The following CAMK1 variants were observed in gnomAD, a reference collection of about 807,000 sequenced individuals.
CAMK1 encodes calcium/calmodulin dependent protein kinase I.
CAMK1 carries 39 observed loss-of-function variants against 49.1 expected under a neutral mutation model. The observed-to-expected ratio is 0.79, with a 90% CI of 0.62 to 1.04. CAMK1 has a LOEUF of 1.04. Among genes scored for constraint, CAMK1 ranks in the 50% least tolerant of loss-of-function variants. The pLI, the probability that CAMK1 is intolerant of heterozygous loss-of-function variation, is 0.00. For synonymous variants in CAMK1, 192 were observed against 185.2 expected (o/e 1.04, Z -0.30); for missense variants, 457 against 472.2 (o/e 0.97, Z 0.30).
chr3:9,767,894 A>G (rs2078199134), intron 1 of CAMK1, 113 bp from the exon 2 acceptor site: 1 of 1,351,744 alleles, frequency 7.4e-7, no homozygotes, highest in South Asian at 1.6e-5. Context: ...TGATTCATCC[A>G]TTTGACAAAA....
At chr3:9,758,671 C>G (rs1354497426) in intron 10 of CAMK1, 3 of 159,380 alleles carry the variant, frequency 1.9e-5, no homozygotes, top group African/African-American at 7.2e-5. Context: ...ACTTTGTTGC[C>G]CAGGCTGGAG....
intron 10 of CAMK1, chr3:9,758,078 T>A: frequency 1.9e-6 from 1 of 534,588 alleles, no homozygotes; most frequent in Non-Finnish European, 3.1e-6. Flanking sequence ...AATAGAAACA[T>A]AACTATAATT....
At chr3:9,761,386 A>G (rs879054766) in intron 7 of CAMK1, 75 bp downstream of exon 7, 1 of 1,458,880 alleles carries the variant, frequency 6.9e-7, no homozygotes, top group Non-Finnish European at 9.3e-7. Flanking sequence ...GAGGGAGAGC[A>G]GAGGAAGGAA....
intron 8 of CAMK1, 74 bp downstream of exon 8, chr3:9,760,582 G>A (rs918830322): frequency 1.3e-6 from 2 of 1,501,008 alleles, no homozygotes; most frequent in Admixed American, 1.7e-5. Flanking sequence ...AAGGCAGGAG[G>A]GAGACCGCCC....
In CAMK1 at chr3:9,761,457, T is replaced by C; in HGVS notation, c.632+4A>G. 3 of 1,608,506 alleles carry C rather than the reference T, an allele frequency of 1.9e-6. No individual in the cohort carries two copies. The highest frequency in any genetic ancestry group is 2.5e-6 in the Non-Finnish European group (3 of 1,176,758). On this transcript the variant is annotated splice_donor_region_variant and intron_variant, in intron 7 of 11. Transcript: ENST00000256460. Reference sequence around the variant, plus strand: ...ACAGCCTACCATGGCCAAGCCCCACTTACAAGATGTAGGCGATGACACCTA... The same window carrying C: ...ACAGCCTACCATGGCCAAGCCCCACCTACAAGATGTAGGCGATGACACCTA...
In CAMK1 at chr3:9,760,787, A is replaced by G. The variant is rs1484234040; in HGVS notation, c.633-19T>C. 6.2e-7 allele frequency: 1 copy of G among 1,611,588 alleles called. No homozygotes were observed. The highest frequency in any genetic ancestry group is 8.5e-7 in the Non-Finnish European group (1 of 1,177,932). Reference sequence around the variant, plus strand: ...GCAGAGCCTGGGCAGGGAGAAACTCATCCTCATTTCCACTTTCGGGTGCCG... The same window carrying G: ...GCAGAGCCTGGGCAGGGAGAAACTCGTCCTCATTTCCACTTTCGGGTGCCG... On this transcript the variant is annotated intron_variant, in intron 7 of 11. Coordinates refer to ENST00000256460, the MANE Select transcript of CAMK1 (RefSeq NM_003656.5).
intron 8 of CAMK1, chr3:9,760,437 G>A (rs2077800224): frequency 2.0e-6 from 1 of 503,212 alleles, no homozygotes. Context: ...TATGTTTGAA[G>A]ATTGAACAAA....
At chr3:9,760,633 G>A in intron 8 of CAMK1, 23 bp downstream of exon 8, 1 of 1,613,076 alleles carries the variant, frequency 6.2e-7, no homozygotes, top group South Asian at 1.1e-5. Context: ...GGGCCCAGGG[G>A]AAAAAAGCAA....
At chr3:9,759,265 A>T (rs147458720) in intron 10 of CAMK1, 685 of 1,613,788 alleles carry the variant, frequency 4.2e-4, no homozygotes, top group Non-Finnish European at 5.4e-4. Context: ...AGAATTACAG[A>T]CTTCTTCCTC....
chr3:9,761,782 G>C, intron 5 of CAMK1, 25 bp from the exon 6 acceptor site: 1 of 1,613,400 alleles, frequency 6.2e-7, no homozygotes. Context: ...GGGAAGAGAA[G>C]GGGCAATCAG....
At chr3:9,763,507 C>T (rs902356146) in intron 3 of CAMK1, among the ~76,000 whole-genome samples, 3 of 151,952 alleles carry the variant, frequency 2.0e-5, no homozygotes, top group Non-Finnish European at 4.4e-5. Flanking sequence ...CCAAGGATCT[C>T]GTCCCCAAAG....
intron 8 of CAMK1, chr3:9,760,334 T>G (rs2077794304): frequency 3.6e-6 from 1 of 275,320 alleles, no homozygotes; most frequent in Non-Finnish European, 7.1e-6. Flanking sequence ...CAGGTTTGCT[T>G]CTTAATAGGG....
At chr3:9,764,618 TTTTTTTTTTG>T (rs1227423203) in intron 3 of CAMK1, among the ~76,000 whole-genome samples, 2 of 103,182 alleles carry the variant, frequency 1.9e-5, no homozygotes, top group Admixed American at 1.1e-4. Context: ...GGCGTTTTTG[TTTTTTTTTTG>T]TTTTTTTTTT....
intron 5 of CAMK1, 123 bp downstream of exon 5, chr3:9,762,791 A>T: frequency 1.1e-6 from 1 of 925,104 alleles, no homozygotes. Flanking sequence ...TACAAGATCC[A>T]CTTTGTAGAT....
At chr3:9,769,016 G>T (rs1004151443) in intron 1 of CAMK1, among the ~76,000 whole-genome samples, 1 of 151,786 alleles carries the variant, frequency 6.6e-6, no homozygotes, top group South Asian at 2.1e-4. Context: ...CCCCTCCACA[G>T]CCCTGAACTC....
rs766586927 is a variant in CAMK1 at position 9,757,756 on chromosome 3, C to T, written c.1003G>A (p.Gly335Arg). ...QEGQGQTASHGELLTPVAGGP... is the reference protein window; with the variant it reads ...QEGQGQTASHRELLTPVAGGP... ...CCAGCCACTGGTGTCAGCAGCTCCCCATGGCTCGCCGTCTGCCCCTGCCCC... is the reference window on the plus strand; with the variant it reads ...CCAGCCACTGGTGTCAGCAGCTCCCTATGGCTCGCCGTCTGCCCCTGCCCC... The change falls in exon 11 of 12, where the codon GGG (glycine) becomes AGG (arginine). Residue 335 changes from glycine (G) to arginine (R), a missense_variant. Transcript: ENST00000256460. The surrounding 1 kb of genome is among the most constrained non-coding windows in gnomAD (Gnocchi z 4.5). 6.2e-7 allele frequency: 1 copy of T among 1,614,164 alleles called. No individual in the cohort carries two copies. The highest frequency in any genetic ancestry group is 8.5e-7 in the Non-Finnish European group (1 of 1,180,006).
At chr3:9,766,702 T>C in intron 2 of CAMK1, 1 of 918,312 alleles carries the variant, frequency 1.1e-6, no homozygotes, top group Non-Finnish European at 1.3e-6. Context: ...ATCTGTTTGC[T>C]TTCTCTGGGA....
intron 4 of CAMK1, 43 bp downstream of exon 4, chr3:9,763,096 G>C (rs1236874033): frequency 1.2e-6 from 2 of 1,614,036 alleles, no homozygotes; most frequent in Non-Finnish European, 1.7e-6. Context: ...GGTTGGGACA[G>C]CTGGGAGAGG....
In CAMK1 at chr3:9,759,699, G is replaced by C; in HGVS notation, c.797C>G (p.Thr266Ser). ...TGGGTGCTGCAAGGCCTGCTCACAG[G>C]TGAATCTTTTCTCTGGGTCCTTCTC... ...LMEKDPEKRFTCEQALQHPWI... is the reference protein window; with the variant it reads ...LMEKDPEKRFSCEQALQHPWI... Residue 266 changes from threonine (T) to serine (S), a missense_variant, in exon 9 of 12, where the codon ACC becomes AGC. Physicochemically the swap from Thr to Ser is moderately conservative, Grantham distance 58 (BLOSUM62 1). Transcript: ENST00000256460. The C allele has an allele frequency of 1.9e-6, 3 of 1,614,198 alleles. No homozygotes were observed. The highest frequency in any genetic ancestry group is 2.5e-6 in the Non-Finnish European group (3 of 1,180,042).
Sources: allele counts gnomAD v4.1 joint callset (sites outside exome capture counted in the v4.1 genomes callset), GRCh38; gene constraint gnomAD v4.1.1; non-coding constraint Gnocchi (gnomAD v3.1); transcripts MANE v1.5; gene names NCBI Gene and HGNC (gene_info 2026-07-23, HGNC 2026-07-21).